RLN2: variants seen among roughly 807,000 people sequenced by gnomAD.
The protein encoded by RLN2 is relaxin 2.
Under a neutral mutation model 7.3 loss-of-function variants are expected in RLN2, and 10 were observed. The observed-to-expected ratio is 1.36, with a 90% CI of 0.84 to 2.31. RLN2 has a LOEUF of 2.31. RLN2 is among the 30% of genes most tolerant of loss of function. The pLI, the probability that RLN2 is intolerant of heterozygous loss-of-function variation, is 0.00. For synonymous variants in RLN2, 103 were observed against 82.3 expected (o/e 1.25, Z -1.36); for missense variants, 298 against 217.6 (o/e 1.37, Z -2.32).
the RLN2 span, among the ~76,000 whole-genome samples, chr9:5,336,883 G>GCCCTCCT: frequency 6.6e-6 from 1 of 152,100 alleles, no homozygotes; most frequent in Non-Finnish European, 1.5e-5. Flanking sequence ...CACCTAGACA[G>GCCCTCCT]CGGTAGTTCT....
the RLN2 span, among the ~76,000 whole-genome samples, chr9:5,328,130 T>C: frequency 6.6e-5 from 10 of 151,958 alleles, no homozygotes; most frequent in Non-Finnish European, 2.9e-5. Context: ...AAGGAGCATG[T>C]TCTAACCCAT....
the RLN2 span, among the ~76,000 whole-genome samples, chr9:5,330,043 A>C: frequency 6.6e-6 from 1 of 152,032 alleles, no homozygotes; most frequent in African/African-American, 2.4e-5. Context: ...AAAAGAACAG[A>C]TATCACAACA....
rs376585369 is a variant in RLN2 at position 5,304,607 on chromosome 9, G to A, written c.-27C>T. 5 of 1,607,100 alleles carry A rather than the reference G, an allele frequency of 3.1e-6. No homozygotes were observed. The highest frequency in any genetic ancestry group is 1.4e-5 in the African/African-American group (1 of 73,044). On this transcript the variant is annotated 5_prime_UTR_variant, in exon 1 of 2. Transcript: ENST00000381627. ...CTGGGCCTGGTCTCTCCTGGAGGTC[G>A]GGACGTTGCAGCCTTTCAGGACTGC...
chr9:5,334,800 G>A, the RLN2 span, among the ~76,000 whole-genome samples: 8 of 152,148 alleles, frequency 5.3e-5, no homozygotes, highest in South Asian at 4.2e-4. Context: ...CCAAACTGAT[G>A]GTTTGCAATG....
intron 1 of RLN2, among the ~76,000 whole-genome samples, chr9:5,300,931 G>A (rs1351711031): frequency 6.6e-6 from 1 of 152,130 alleles, no homozygotes; most frequent in African/African-American, 2.4e-5. Flanking sequence ...AGTTACTCCT[G>A]GAGGATAAAG....
chr9:5,311,379 C>T, the RLN2 span: 12 of 462,902 alleles, frequency 2.6e-5, no homozygotes, highest in South Asian at 1.8e-4. Flanking sequence ...GGAAAACAGC[C>T]GGGGCTCTCA....
At chr9:5,318,117 C>T in the RLN2 span, among the ~76,000 whole-genome samples, 7 of 151,938 alleles carry the variant, frequency 4.6e-5, no homozygotes, top group Non-Finnish European at 8.8e-5. Flanking sequence ...GGTGATCCGC[C>T]TGCCTTGGCC....
chr9:5,300,930 T>C (rs1816110612), intron 1 of RLN2, among the ~76,000 whole-genome samples: 1 of 152,220 alleles, frequency 6.6e-6, no homozygotes, highest in African/African-American at 2.4e-5. Context: ...AAGTTACTCC[T>C]GGAGGATAAA....
intron 1 of RLN2, 75 bp from the exon 2 acceptor site, chr9:5,300,519 T>C (rs1816096556): frequency 2.1e-6 from 2 of 963,956 alleles, no homozygotes. Context: ...CTATGAATGT[T>C]TGCATAGACA....
the RLN2 span, among the ~76,000 whole-genome samples, chr9:5,327,776 A>G: frequency 1.3e-5 from 2 of 152,078 alleles, no homozygotes; most frequent in Admixed American, 1.3e-4. Flanking sequence ...AATAGGTTCT[A>G]GAGTGGACTT....
At chr9:5,334,346 A>G in the RLN2 span, among the ~76,000 whole-genome samples, 4 of 152,180 alleles carry the variant, frequency 2.6e-5, no homozygotes, top group East Asian at 7.7e-4. Flanking sequence ...AAATTTACAG[A>G]CATTTGATGG....
the RLN2 span, among the ~76,000 whole-genome samples, chr9:5,318,041 C>CAGTTAGAAAT: frequency 3.9e-5 from 3 of 77,882 alleles, no homozygotes; most frequent in Non-Finnish European, 5.2e-5. Context: ...TGTATACACA[C>CAGTTAGAAAT]AGTTAGAAAT....
At chr9:5,300,999 G>C (rs1816114862) in intron 1 of RLN2, among the ~76,000 whole-genome samples, 1 of 152,184 alleles carries the variant, frequency 6.6e-6, no homozygotes, top group Non-Finnish European at 1.5e-5. Flanking sequence ...AGAAGTCTCT[G>C]ATGTTCCTTA....
the RLN2 span, among the ~76,000 whole-genome samples, chr9:5,321,668 G>C: frequency 0.25 from 37,742 of 151,638 alleles, 5,164 homozygotes; most frequent in East Asian, 0.41. Context: ...AAAAAGGAGG[G>C]AAGAGGGAGG....
chr9:5,317,043 C>T, the RLN2 span, among the ~76,000 whole-genome samples: 3 of 151,934 alleles, frequency 2.0e-5, no homozygotes, highest in African/African-American at 7.2e-5. Context: ...TTATGTAAGC[C>T]TCACAGTAAC....
At chr9:5,321,841 T>C in the RLN2 span, among the ~76,000 whole-genome samples, 47 of 152,142 alleles carry the variant, frequency 3.1e-4, 1 homozygote, top group Admixed American at 1.6e-3. Context: ...ACAGGGAGCA[T>C]TGGCTGCCCT....
At chr9:5,328,547 G>A in the RLN2 span, among the ~76,000 whole-genome samples, 1 of 151,866 alleles carries the variant, frequency 6.6e-6, no homozygotes, top group East Asian at 1.9e-4. Flanking sequence ...TTCAAATTCA[G>A]GAAATACAGA....
chr9:5,333,853 G>C, the RLN2 span, among the ~76,000 whole-genome samples: 4 of 152,022 alleles, frequency 2.6e-5, no homozygotes, highest in Non-Finnish European at 2.9e-5. Context: ...CAGGATGCAA[G>C]GTTGGTACAA....
chr9:5,305,465 G>C (rs1274048285), upstream of RLN2, among the ~76,000 whole-genome samples: 3 of 148,972 alleles, frequency 2.0e-5, no homozygotes, highest in Non-Finnish European at 4.4e-5. Flanking sequence ...ATCCCACAAA[G>C]AATATTTTGG....
Sources: gnomAD v4.1 joint callset for allele counts (sites outside exome capture counted in the v4.1 genomes callset) on GRCh38, gnomAD v4.1.1 for gene constraint, MANE v1.5 for transcripts, NCBI Gene and HGNC (gene_info 2026-07-23, HGNC 2026-07-21) for gene names.